The following DPY19L2 variants were observed in gnomAD, a reference collection of about 807,000 sequenced individuals.
DPY19L2 encodes the protein probable C-mannosyltransferase DPY19L2.
DPY19L2 carries 34 observed loss-of-function variants against 97.9 expected under a neutral mutation model. The observed-to-expected ratio is 0.35, with a 90% CI of 0.26 to 0.46. The LOEUF (loss-of-function observed/expected upper bound fraction) is 0.46, where lower values mean the gene tolerates loss of function less well. DPY19L2 is among the 20% of genes least tolerant of loss of function. The pLI is 1.00. For synonymous variants in DPY19L2, 230 were observed against 307.9 expected, an observed-to-expected ratio of 0.75 and a Z score of 2.65; for missense variants, 623 against 911.4, an observed-to-expected ratio of 0.68 and a Z score of 4.07.
chr12:63,648,027 A>C (rs758926013), intron 4 of DPY19L2, among the ~76,000 whole-genome samples: 25 of 152,118 alleles, frequency 1.6e-4, no homozygotes, highest in Non-Finnish European at 3.5e-4. Context: ...GACCTGCAAG[A>C]GGTGATTAGA....
chr12:63,589,357 C>CAAGAAAAA (rs1882440612), intron 16 of DPY19L2, among the ~76,000 whole-genome samples: 1 of 18,988 alleles, frequency 5.3e-5, no homozygotes, highest in Non-Finnish European at 1.0e-4. Flanking sequence ...AAATGTGTTG[C>CAAGAAAAA]AAAAAAAAAA....
At chr12:63,591,988 A>AAAGAAAAGAG (rs1565728318) in intron 16 of DPY19L2, among the ~76,000 whole-genome samples, 6 of 35,860 alleles carry the variant, frequency 1.7e-4, no homozygotes, top group African/African-American at 8.6e-4. Flanking sequence ...GGGGAAGGGA[A>AAAGAAAAGAG]GGGAAGGGAG....
chr12:63,600,245 A>G (rs1385044350), intron 13 of DPY19L2, 61 bp downstream of exon 13: 1 of 1,401,974 alleles, frequency 7.1e-7, no homozygotes, highest in East Asian at 2.3e-5. Context: ...AGATGGTTTC[A>G]AAGTTTTCAT....
chr12:63,666,319 G>T, intron 1 of DPY19L2: 1 of 227,346 alleles, frequency 4.4e-6, no homozygotes, highest in Non-Finnish European at 8.7e-6. Flanking sequence ...TTCCTCAGCA[G>T]CACATCTAAA....
In DPY19L2 at chr12:63,602,823, T is replaced by G. The variant is rs149664384; in HGVS notation, c.1279-2437A>C. Reference sequence around the variant, plus strand: ...TCTGTCATTCAAGTATAGACGTTATTTAAAGAAGTTGAAAATATGCAACAA... The same window carrying G: ...TCTGTCATTCAAGTATAGACGTTATGTAAAGAAGTTGAAAATATGCAACAA... On this transcript the variant is annotated intron_variant, in intron 12 of 21. Coordinates refer to ENST00000324472, the MANE Select transcript of DPY19L2 (RefSeq NM_173812.5). Among the ~76,000 whole-genome samples, 130 of 152,234 alleles carry G rather than the reference T, an allele frequency of 8.5e-4. 1 individual carries two copies. The highest frequency in any genetic ancestry group is 3.0e-3 in the African/African-American group (126 of 41,540).
In DPY19L2 at chr12:63,560,545, C is replaced by A. The variant is rs756305185; in HGVS notation, c.2244G>T (p.Gln748His). The A allele has an allele frequency of 1.1e-5, 17 of 1,613,818 alleles. No homozygotes were observed. In the Admixed American group the frequency reaches 2.8e-4, roughly 27 times the overall value. ...DARPYFTTVF[Q>H]NSVYRVLKVN ...CCTTTAATACTCTGTACACACTATT[C>A]TGAAATACTGTGGTGAAGTAAGGCC... Residue 748 changes from glutamine to histidine, a missense_variant, in exon 22 of 22, where the codon CAG becomes CAT. Around this residue, in one of 6 missense-constraint regions of DPY19L2, gnomAD observed 294 missense variants for 446.2 expected, o/e 0.66. Transcript: ENST00000324472.
rs774615899 is a variant in DPY19L2, at chr12:63,668,365, C to G, written c.29G>C (p.Arg10Pro). The change falls in exon 1 of 22, where the codon CGG becomes CCG. Residue 10 changes from arginine to proline, a missense_variant. Coordinates refer to ENST00000324472, the MANE Select transcript of DPY19L2 (RefSeq NM_173812.5). ...CTGGCTGCGGCCGGAAGATTGCAGCCGCTTTGAGCTTACTCCTTGTTTTCT... is the reference window on the plus strand; with the variant it reads ...CTGGCTGCGGCCGGAAGATTGCAGCGGCTTTGAGCTTACTCCTTGTTTTCT... MRKQGVSSK[R>P]LQSSGRSQSK... 1.2e-6 allele frequency: 2 copies of G among 1,613,286 alleles called. No individual in the cohort carries two copies. Among genetic ancestry groups the G allele is most frequent in the South Asian group, 2.2e-5 (2 of 91,032 alleles).
intron 6 of DPY19L2, among the ~76,000 whole-genome samples, chr12:63,635,643 C>A (rs954275454): frequency 2.6e-5 from 4 of 152,040 alleles, no homozygotes; most frequent in African/African-American, 9.7e-5. Context: ...GACGCATGCA[C>A]AAGCTTCAGT....
chr12:63,604,814 CCCA>C (rs2137612205), intron 12 of DPY19L2, among the ~76,000 whole-genome samples: 2 of 152,118 alleles, frequency 1.3e-5, no homozygotes, highest in South Asian at 4.2e-4. Flanking sequence ...TCACATAATC[CCCA>C]CATCCTATTC....
At chr12:63,601,446 T>C (rs1007062293) in intron 12 of DPY19L2, among the ~76,000 whole-genome samples, 3 of 152,126 alleles carry the variant, frequency 2.0e-5, no homozygotes, top group African/African-American at 7.2e-5. Context: ...TCTCTGCATA[T>C]ATCAACCAAC....
intron 4 of DPY19L2, 31 bp from the exon 5 acceptor site, chr12:63,647,396 GA>G (rs1384351939): frequency 1.7e-6 from 2 of 1,146,708 alleles, no homozygotes; most frequent in Non-Finnish European, 2.5e-6. Context: ...AGAGATAATT[GA>G]GGTAAATACA....
chr12:63,585,539 C>T (rs183441339), intron 16 of DPY19L2, among the ~76,000 whole-genome samples: 18 of 152,054 alleles, frequency 1.2e-4, no homozygotes, highest in African/African-American at 2.7e-4. Flanking sequence ...ATGCAGTTAA[C>T]GGAGTGGGGT....
chr12:63,635,030 C>T (rs890812188), intron 6 of DPY19L2, among the ~76,000 whole-genome samples: 1 of 152,198 alleles, frequency 6.6e-6, no homozygotes, highest in Non-Finnish European at 1.5e-5. Flanking sequence ...GAGGCACCCC[C>T]CAGTAGGGGC....
At chr12:63,639,343 A>G (rs915505972) in intron 6 of DPY19L2, among the ~76,000 whole-genome samples, 16 of 152,218 alleles carry the variant, frequency 1.1e-4, no homozygotes, top group Admixed American at 5.9e-4. Context: ...GCCAAAATTG[A>G]CAAATGGGAT....
chr12:63,560,290 A>G lies in DPY19L2; in HGVS notation c.*222T>C. ...TGAACATTTGTTTATGCAGTATGAC[A>G]TGAATGATTTAATAACTTATATGAC... On this transcript the variant is annotated 3_prime_UTR_variant, in exon 22 of 22. Transcript: ENST00000324472. 1 of 433,058 alleles carries G rather than the reference A, an allele frequency of 2.3e-6. No homozygotes were observed. Among genetic ancestry groups the G allele is most frequent in the Admixed American group, 4.0e-5 (1 of 25,290 alleles). 26.8% of individuals were successfully genotyped at this position (433,058 alleles called of 1,614,324 possible).
chr12:63,576,569 C>T (rs1237139381), intron 19 of DPY19L2, among the ~76,000 whole-genome samples: 1 of 151,090 alleles, frequency 6.6e-6, no homozygotes, highest in Non-Finnish European at 1.5e-5. Flanking sequence ...AAAAAAAAAA[C>T]TATTAGAACT....
chr12:63,591,874 G>A (rs1882991443), intron 16 of DPY19L2, among the ~76,000 whole-genome samples: 1 of 149,812 alleles, frequency 6.7e-6, no homozygotes, highest in African/African-American at 2.5e-5. Context: ...AGTCCGGGAT[G>A]TCCAGGCTGC....
chr12:63,668,727 C>G (rs557082003), upstream of DPY19L2: 2 of 335,056 alleles, frequency 6.0e-6, no homozygotes, highest in African/African-American at 4.3e-5. Flanking sequence ...CCGGTGCGCG[C>G]AGGCCCCAAG....
At chr12:63,576,152 G>A (rs1025374545) in intron 19 of DPY19L2, among the ~76,000 whole-genome samples, 3 of 151,804 alleles carry the variant, frequency 2.0e-5, no homozygotes, top group East Asian at 1.9e-4. Flanking sequence ...GCAAATCAAT[G>A]TGATACGTCA....
Sources: gnomAD v4.1 joint callset for allele counts (sites outside exome capture counted in the v4.1 genomes callset) on GRCh38, gnomAD v4.1.1 for gene constraint, gnomAD v4.1.1 regional missense constraint, MANE v1.5 for transcripts, NCBI Gene and HGNC (gene_info 2026-07-23, HGNC 2026-07-21) for gene names.